GRID1: variants seen among roughly 807,000 people sequenced by gnomAD.
The protein encoded by GRID1 is glutamate ionotropic receptor delta type subunit 1, also known as glutamate receptor ionotropic, delta-1.
GRID1 carries 28 observed loss-of-function variants against 98.0 expected under a neutral mutation model. The observed-to-expected ratio is 0.29, with a 90% CI of 0.21 to 0.39. GRID1 has a LOEUF of 0.39. Among genes scored for constraint, GRID1 ranks in the 10% least tolerant of loss-of-function variants. GRID1 has a pLI of 1.00. For missense variants in GRID1, 1,111 were observed against 1,340.5 expected (o/e 0.83, Z 2.67); for synonymous variants, 553 against 538.5 (o/e 1.03, Z -0.37).
intron 4 of GRID1, among the ~76,000 whole-genome samples, chr10:85,971,480 T>C (rs1285665077): frequency 6.7e-6 from 1 of 149,820 alleles, no homozygotes. Flanking sequence ...AAAATTATCC[T>C]GTAAATCAAA....
At position 86,022,550 on chromosome 10, in the gene GRID1, C is replaced by CT. The variant is rs199859521; in HGVS notation, c.727-106312dup. ...AAAAACACAGGGCAGTTCTGACGCT[C>CT]TTTTTTTTCCCCGAGGTCTCTGTGA... On this transcript the variant is annotated intron_variant, in intron 4 of 15. Transcript: ENST00000327946. Among the ~76,000 whole-genome samples, 43 of 152,074 alleles carry CT rather than the reference C, an allele frequency of 2.8e-4. 1 individual carries two copies. The East Asian group carries it at 7.7e-3, about 27-fold the overall frequency.
intron 12 of GRID1, among the ~76,000 whole-genome samples, chr10:85,688,039 T>G (rs979642141): frequency 6.6e-6 from 1 of 152,220 alleles, no homozygotes; most frequent in African/African-American, 2.4e-5. Flanking sequence ...TCAAAACAGA[T>G]TCACAGAGGA....
At chr10:86,042,256 G>A (rs1158288235) in intron 4 of GRID1, among the ~76,000 whole-genome samples, 1 of 152,156 alleles carries the variant, frequency 6.6e-6, no homozygotes, top group African/African-American at 2.4e-5. Flanking sequence ...GTGTCCCTGG[G>A]GTCTCTCCTC....
At chr10:86,011,612 A>G (rs1215521191) in intron 4 of GRID1, among the ~76,000 whole-genome samples, 8 of 152,166 alleles carry the variant, frequency 5.3e-5, no homozygotes, top group Non-Finnish European at 7.4e-5. Flanking sequence ...AAAGGACTGG[A>G]CTCTGAGAAG....
intron 8 of GRID1, among the ~76,000 whole-genome samples, chr10:85,745,488 C>T (rs11201768): frequency 0.097 from 11,201 of 115,350 alleles, 293 homozygotes; most frequent in Middle Eastern, 0.16. Flanking sequence ...AACCAAACAC[C>T]GCATATTCTC....
At chr10:86,007,035 G>T (rs566288842) in intron 4 of GRID1, among the ~76,000 whole-genome samples, 1 of 152,130 alleles carries the variant, frequency 6.6e-6, no homozygotes, top group African/African-American at 2.4e-5. Context: ...GTCACACTCC[G>T]CAGTTTAATA....
At chr10:86,247,661 T>C (rs1180378337) in intron 2 of GRID1, among the ~76,000 whole-genome samples, 2 of 151,960 alleles carry the variant, frequency 1.3e-5, no homozygotes, top group African/African-American at 4.8e-5. Context: ...GTTGGGAAAC[T>C]AAGATGAGAG....
chr10:85,991,778 T>C (rs934989152), intron 4 of GRID1, among the ~76,000 whole-genome samples: 8 of 151,926 alleles, frequency 5.3e-5, no homozygotes, highest in African/African-American at 1.9e-4. Context: ...AGTAGACAAA[T>C]TGTGGCGGGT....
intron 2 of GRID1, among the ~76,000 whole-genome samples, chr10:86,302,364 G>A (rs574212987): frequency 3.3e-5 from 5 of 152,248 alleles, no homozygotes; most frequent in African/African-American, 1.2e-4. Context: ...AGCACTCTGG[G>A]GTACTTTTTG....
chr10:86,290,247 C>T (rs1847493757), intron 2 of GRID1, among the ~76,000 whole-genome samples: 1 of 152,204 alleles, frequency 6.6e-6, no homozygotes. Flanking sequence ...CCTAATAAAA[C>T]TAAGAGGAAC....
At chr10:86,030,965 G>T (rs1418991340) in intron 4 of GRID1, among the ~76,000 whole-genome samples, 7 of 152,094 alleles carry the variant, frequency 4.6e-5, no homozygotes, top group Non-Finnish European at 7.4e-5. Flanking sequence ...GGTGCCTTCT[G>T]CGTGCACTAT....
intron 2 of GRID1, among the ~76,000 whole-genome samples, chr10:86,208,933 T>C (rs1257231557): frequency 6.6e-6 from 1 of 152,218 alleles, no homozygotes; most frequent in Non-Finnish European, 1.5e-5. Context: ...ATATTGCTAA[T>C]GATCTAAAAG....
chr10:86,227,987 G>T (rs1278003551), intron 2 of GRID1, among the ~76,000 whole-genome samples: 1 of 152,088 alleles, frequency 6.6e-6, no homozygotes, highest in Non-Finnish European at 1.5e-5. Context: ...TGGGTGAATG[G>T]ATAGATCAAC....
chr10:86,229,118 C>T (rs538212423), intron 2 of GRID1, among the ~76,000 whole-genome samples: 5 of 152,264 alleles, frequency 3.3e-5, no homozygotes, highest in South Asian at 4.1e-4. Flanking sequence ...GGGCCTTCTA[C>T]TTTGTGAACC....
chr10:85,834,615 G>T (rs1005723015), intron 8 of GRID1, among the ~76,000 whole-genome samples: 1 of 151,980 alleles, frequency 6.6e-6, no homozygotes, highest in African/African-American at 2.4e-5. Flanking sequence ...TGATACTCAG[G>T]ACAATGACAT....
chr10:86,318,846 T>C (rs1180925430), intron 2 of GRID1, among the ~76,000 whole-genome samples: 1 of 152,220 alleles, frequency 6.6e-6, no homozygotes, highest in African/African-American at 2.4e-5. Context: ...CTCATGGAGC[T>C]CCATTCTAGC....
chr10:85,714,950 G>A (rs1841622060), intron 12 of GRID1, among the ~76,000 whole-genome samples: 1 of 152,078 alleles, frequency 6.6e-6, no homozygotes, highest in Non-Finnish European at 1.5e-5. Context: ...TTAAACAAGA[G>A]AAGCAAATCT....
intron 14 of GRID1, among the ~76,000 whole-genome samples, chr10:85,614,518 G>C (rs1331767277): frequency 6.6e-6 from 1 of 152,198 alleles, no homozygotes; most frequent in Non-Finnish European, 1.5e-5. Flanking sequence ...GGCACAGAGA[G>C]GTGAAATGTC....
intron 12 of GRID1, chr10:85,647,892 T>C (rs1843216711): frequency 6.5e-6 from 1 of 154,460 alleles, no homozygotes. Context: ...AGAGACAGCA[T>C]GAGGAAGAAA....
Sources: allele counts gnomAD v4.1 joint callset (sites outside exome capture counted in the v4.1 genomes callset), GRCh38; gene constraint gnomAD v4.1.1; transcripts MANE v1.5; gene names NCBI Gene and HGNC (gene_info 2026-07-23, HGNC 2026-07-21).